Variants in NCKAP5 observed in about 807,000 individuals in gnomAD.
NCKAP5 encodes the protein nck-associated protein 5.
Under a neutral mutation model 167.0 loss-of-function variants are expected in NCKAP5, and 92 were observed. The observed-to-expected ratio is 0.55, with a 90% confidence interval of 0.47 to 0.66. The LOEUF (loss-of-function observed/expected upper bound fraction) is 0.66. Ranked by LOEUF, NCKAP5 falls within the 30% of genes least tolerant of loss-of-function variation. NCKAP5 has a pLI of 0.00. For synonymous variants in NCKAP5, 891 were observed against 877.4 expected (o/e 1.02, Z -0.27); for missense variants, 2,378 against 2,315.0 (o/e 1.03, Z -0.56).
At chr2:133,598,878 C>A in the NCKAP5 span, among the ~76,000 whole-genome samples, 12 of 152,324 alleles carry the variant, frequency 7.9e-5, no homozygotes, top group Non-Finnish European at 1.3e-4. Context: ...CTACTGAAGG[C>A]TCTAGGGAAG....
At chr2:133,271,002 C>T (rs2089485303) in intron 4 of NCKAP5, among the ~76,000 whole-genome samples, 1 of 149,042 alleles carries the variant, frequency 6.7e-6, no homozygotes. Context: ...TGAGTGCAAG[C>T]TCTGCCTCCC....
chr2:132,777,022 C>T (rs1682610660), intron 15 of NCKAP5, among the ~76,000 whole-genome samples: 1 of 152,212 alleles, frequency 6.6e-6, no homozygotes, highest in African/African-American at 2.4e-5. Context: ...GTCCCAGTCA[C>T]TGTTGCCATC....
At chr2:133,441,973 A>C (rs1444506695) in intron 3 of NCKAP5, among the ~76,000 whole-genome samples, 1 of 152,186 alleles carries the variant, frequency 6.6e-6, no homozygotes, top group Non-Finnish European at 1.5e-5. Flanking sequence ...ATTGCATTTC[A>C]AGTTACAGAA....
intron 6 of NCKAP5, among the ~76,000 whole-genome samples, chr2:133,024,127 A>C (rs1414066223): frequency 2.6e-5 from 4 of 152,360 alleles, no homozygotes; most frequent in Admixed American, 6.5e-5. Context: ...TGTACTTCAC[A>C]GTTCTTCAAT....
At chr2:132,727,214 A>AC (rs1379255844) in intron 18 of NCKAP5, among the ~76,000 whole-genome samples, 1 of 152,128 alleles carries the variant, frequency 6.6e-6, no homozygotes. Context: ...AGCAAGAGTA[A>AC]CTTTTTTTTT....
At chr2:133,648,733 G>A in the NCKAP5 span, among the ~76,000 whole-genome samples, 2 of 151,900 alleles carry the variant, frequency 1.3e-5, no homozygotes, top group African/African-American at 4.8e-5. Context: ...CAAAACTTAT[G>A]TTGTGCAGCA....
intron 7 of NCKAP5, among the ~76,000 whole-genome samples, chr2:132,979,585 C>T (rs1402101044): frequency 3.3e-5 from 5 of 152,188 alleles, no homozygotes; most frequent in Admixed American, 6.5e-5. Context: ...TGAGTGGCTG[C>T]TCAGTGATGA....
chr2:133,671,668 A>G, the NCKAP5 span, among the ~76,000 whole-genome samples: 1 of 152,170 alleles, frequency 6.6e-6, no homozygotes, highest in Non-Finnish European at 1.5e-5. Flanking sequence ...CCCAGACTCC[A>G]TAACTATAAG....
intron 6 of NCKAP5, among the ~76,000 whole-genome samples, chr2:133,102,794 ACATAAACAC>A (rs2149685523): frequency 6.9e-6 from 1 of 144,952 alleles, no homozygotes; most frequent in South Asian, 2.3e-4. Context: ...CACACACTGT[ACATAAACAC>A]AATGGCTGCA....
chr2:133,409,293 CTCTCTGTCCCTTTAGTG>C (rs1688631223), intron 3 of NCKAP5, among the ~76,000 whole-genome samples: 1 of 152,348 alleles, frequency 6.6e-6, no homozygotes, highest in Non-Finnish European at 1.5e-5. Context: ...AAAGTCCCAG[CTCTCTGTCCCTTTAGTG>C]TCTCACCCAC....
chr2:133,033,523 C>A (rs1479218566), intron 6 of NCKAP5, among the ~76,000 whole-genome samples: 1 of 152,074 alleles, frequency 6.6e-6, no homozygotes, highest in Non-Finnish European at 1.5e-5. Context: ...AATAAGGAAC[C>A]AGAGACCAAA....
At chr2:133,049,053 C>A (rs568364288) in intron 6 of NCKAP5, among the ~76,000 whole-genome samples, 1 of 152,280 alleles carries the variant, frequency 6.6e-6, no homozygotes, top group African/African-American at 2.4e-5. Flanking sequence ...AAAAGTGAAG[C>A]CTCCATTATC....
chr2:133,273,442 GA>G, intron 4 of NCKAP5, among the ~76,000 whole-genome samples: 1 of 151,766 alleles, frequency 6.6e-6, no homozygotes, highest in Non-Finnish European at 1.5e-5. Context: ...CACAAAACTT[GA>G]AAAAATACAG....
chr2:133,538,624 C>T (rs1306009970), intron 2 of NCKAP5, among the ~76,000 whole-genome samples: 1 of 151,848 alleles, frequency 6.6e-6, no homozygotes, highest in Admixed American at 6.6e-5. Context: ...TCCAGAGGGA[C>T]ACAAAAATGG....
intron 3 of NCKAP5, among the ~76,000 whole-genome samples, chr2:133,436,274 C>G (rs1435492666): frequency 6.6e-6 from 1 of 152,148 alleles, no homozygotes; most frequent in Non-Finnish European, 1.5e-5. Context: ...GAACCTGGAT[C>G]CACCTCCAGA....
intron 4 of NCKAP5, among the ~76,000 whole-genome samples, chr2:133,237,216 A>G (rs1014698100): frequency 3.3e-5 from 5 of 152,182 alleles, no homozygotes; most frequent in African/African-American, 1.2e-4. Context: ...ATGACAAATT[A>G]TTATATTCCT....
chr2:133,321,688 G>GTCA (rs1682066062), intron 3 of NCKAP5, among the ~76,000 whole-genome samples: 1 of 152,126 alleles, frequency 6.6e-6, no homozygotes, highest in African/African-American at 2.4e-5. Context: ...TTTCTGTTGA[G>GTCA]GCTGGCTGTT....
chr2:133,328,366 T>G (rs1682600208), intron 3 of NCKAP5, among the ~76,000 whole-genome samples: 1 of 152,236 alleles, frequency 6.6e-6, no homozygotes, highest in African/African-American at 2.4e-5. Flanking sequence ...ACTGGGATTT[T>G]TATCTATTTT....
chr2:133,098,272 A>G (rs940179423), intron 6 of NCKAP5, among the ~76,000 whole-genome samples: 7 of 152,242 alleles, frequency 4.6e-5, no homozygotes, highest in Non-Finnish European at 8.8e-5. Context: ...TAATGTGACC[A>G]ACGCCTTAAA....
Sources: gnomAD v4.1 joint callset for allele counts (sites outside exome capture counted in the v4.1 genomes callset) on GRCh38, gnomAD v4.1.1 for gene constraint, MANE v1.5 for transcripts, NCBI Gene and HGNC (gene_info 2026-07-23, HGNC 2026-07-21) for gene names.